Variants in ULK4 observed in about 807,000 individuals in gnomAD.
ULK4 encodes the protein unc-51 like kinase 4.
ULK4 carries 133 observed loss-of-function variants against 160.6 expected under a neutral mutation model. The observed-to-expected ratio is 0.83, with a 90% confidence interval of 0.72 to 0.96. The LOEUF (loss-of-function observed/expected upper bound fraction) is 0.96, where lower values mean the gene tolerates loss of function less well. Among genes scored for constraint, ULK4 ranks in the 40% least tolerant of loss-of-function variants. ULK4 has a pLI of 0.00. For synonymous variants in ULK4, 534 were observed against 539.8 expected, an observed-to-expected ratio of 0.99 and a Z score of 0.15; for missense variants, 1,580 against 1,499.5, an observed-to-expected ratio of 1.05 and a Z score of -0.89.
chr3:41,656,276 C>A (rs747398594), intron 30 of ULK4, among the ~76,000 whole-genome samples: 2 of 151,668 alleles, frequency 1.3e-5, no homozygotes, highest in Non-Finnish European at 2.9e-5. Context: ...AGGGGGTTCA[C>A]AGAAATATTA....
chr3:41,399,719 C>T (rs1311564779), intron 34 of ULK4, among the ~76,000 whole-genome samples: 1 of 151,752 alleles, frequency 6.6e-6, no homozygotes, highest in Non-Finnish European at 1.5e-5. Flanking sequence ...AATCCTCCCA[C>T]CTCAGCCTCC....
chr3:41,853,687 C>G (rs1454519229), intron 17 of ULK4, among the ~76,000 whole-genome samples: 1 of 152,160 alleles, frequency 6.6e-6, no homozygotes, highest in Non-Finnish European at 1.5e-5. Context: ...TATTCACAAG[C>G]CAAAGCAACA....
intron 21 of ULK4, among the ~76,000 whole-genome samples, chr3:41,761,050 T>C (rs1205145673): frequency 6.6e-6 from 1 of 152,078 alleles, no homozygotes; most frequent in African/African-American, 2.4e-5. Context: ...GATAAAACTA[T>C]AGGGGCAGGG....
chr3:41,366,019 G>A (rs924007007), intron 35 of ULK4, among the ~76,000 whole-genome samples: 1 of 152,098 alleles, frequency 6.6e-6, no homozygotes, highest in Admixed American at 6.6e-5. Flanking sequence ...GTACTGAAAG[G>A]CTGCACAGGT....
intron 21 of ULK4, among the ~76,000 whole-genome samples, chr3:41,775,156 G>C (rs1442687858): frequency 6.7e-6 from 1 of 149,742 alleles, no homozygotes; most frequent in East Asian, 1.9e-4. Context: ...CACCAACATG[G>C]CACATGTATA....
chr3:41,289,850 T>TGTAC (rs1559506802), intron 35 of ULK4, among the ~76,000 whole-genome samples: 5 of 96,164 alleles, frequency 5.2e-5, no homozygotes, highest in African/African-American at 2.4e-4. Context: ...TATGTATGTA[T>TGTAC]GTATGTACGT....
chr3:41,876,934 G>T (rs1423637100), intron 17 of ULK4, among the ~76,000 whole-genome samples: 3 of 152,112 alleles, frequency 2.0e-5, no homozygotes, highest in Non-Finnish European at 2.9e-5. Context: ...TCTGTTTCTT[G>T]ACCCAGTGAC....
chr3:41,594,832 G>A (rs2031579674), intron 31 of ULK4, among the ~76,000 whole-genome samples: 1 of 152,184 alleles, frequency 6.6e-6, no homozygotes, highest in African/African-American at 2.4e-5. Flanking sequence ...AGGCACCAGA[G>A]CAGCGCAGCT....
At chr3:41,341,220 T>C (rs2080676251) in intron 35 of ULK4, among the ~76,000 whole-genome samples, 1 of 152,202 alleles carries the variant, frequency 6.6e-6, no homozygotes, top group South Asian at 2.1e-4. Context: ...ACTTTTGCAG[T>C]TCATGTTTCA....
intron 22 of ULK4, among the ~76,000 whole-genome samples, chr3:41,728,736 A>G (rs1019583997): frequency 6.6e-6 from 1 of 152,222 alleles, no homozygotes; most frequent in African/African-American, 2.4e-5. Flanking sequence ...AAGTACTTCA[A>G]GAAGGAAACA....
chr3:41,841,001 G>T (rs1450437316), intron 17 of ULK4, among the ~76,000 whole-genome samples: 1 of 149,350 alleles, frequency 6.7e-6, no homozygotes, highest in Non-Finnish European at 1.5e-5. Context: ...CGTCTGGGAT[G>T]TGAGGAGCGC....
rs557581050 is a variant in ULK4 at position 41,628,351 on chromosome 3, C to T, written c.3072-12634G>A. 3.3e-5 allele frequency among the ~76,000 whole-genome samples: 5 copies of T among 152,238 alleles called. No individual in the cohort carries two copies. In the South Asian group the frequency reaches 1.0e-3, roughly 32 times the overall value. On this transcript the variant is annotated intron_variant, in intron 30 of 36. Coordinates refer to ENST00000301831, the MANE Select transcript of ULK4 (RefSeq NM_017886.4). ...AAGATATTTATAATATCTGAGAAAC[C>T]TGGCAAACACCACAAAGGGAGCAAG...
intron 34 of ULK4, among the ~76,000 whole-genome samples, chr3:41,404,078 GCTCT>G (rs768324718): frequency 5.9e-5 from 9 of 152,012 alleles, no homozygotes; most frequent in Admixed American, 1.3e-4. Flanking sequence ...TGTGTGAAGT[GCTCT>G]CTATCAATTA....
At chr3:41,816,931 A>G (rs745660155) in intron 19 of ULK4, among the ~76,000 whole-genome samples, 5 of 152,200 alleles carry the variant, frequency 3.3e-5, no homozygotes, top group Non-Finnish European at 7.3e-5. Context: ...ACACATGCGC[A>G]CACACAGAGC....
chr3:41,261,966 A>G (rs558366588), intron 35 of ULK4, among the ~76,000 whole-genome samples: 2 of 152,288 alleles, frequency 1.3e-5, no homozygotes, highest in South Asian at 2.1e-4. Flanking sequence ...CTTCACAGTG[A>G]CCCTATGAGG....
intron 32 of ULK4, among the ~76,000 whole-genome samples, chr3:41,509,502 C>G (rs2085498612): frequency 6.6e-6 from 1 of 152,156 alleles, no homozygotes; most frequent in Non-Finnish European, 1.5e-5. Flanking sequence ...ACAGGAAGAT[C>G]ATCACCTTGG....
intron 32 of ULK4, among the ~76,000 whole-genome samples, chr3:41,543,930 C>T (rs2086773925): frequency 6.6e-6 from 1 of 152,078 alleles, no homozygotes; most frequent in African/African-American, 2.4e-5. Flanking sequence ...CATTTCCACA[C>T]TTTCCTTTAA....
chr3:41,771,846 G>A (rs546694225), intron 21 of ULK4, among the ~76,000 whole-genome samples: 50 of 152,158 alleles, frequency 3.3e-4, no homozygotes, highest in Non-Finnish European at 6.6e-4. Context: ...ACAATAGAGT[G>A]ATTTTTTAAA....
chr3:41,711,460 A>C (rs1198287839), intron 25 of ULK4, among the ~76,000 whole-genome samples: 1 of 152,228 alleles, frequency 6.6e-6, no homozygotes, highest in Non-Finnish European at 1.5e-5. Flanking sequence ...TGATATGTTA[A>C]AGGAAAAAAG....
Sources: gnomAD v4.1 joint callset for allele counts (sites outside exome capture counted in the v4.1 genomes callset) on GRCh38, gnomAD v4.1.1 for gene constraint, MANE v1.5 for transcripts, NCBI Gene and HGNC (gene_info 2026-07-23, HGNC 2026-07-21) for gene names.